Variants in UNC79 observed in about 807,000 individuals in gnomAD.
The protein encoded by UNC79 is unc-79 subunit of NALCN channel complex, also known as protein unc-79 homolog.
UNC79 carries 37 observed loss-of-function variants against 283.1 expected under a neutral mutation model. The observed-to-expected ratio is 0.13, with a 90% CI of 0.10 to 0.17. The LOEUF (loss-of-function observed/expected upper bound fraction) is 0.17. UNC79 is among the 10% of genes least tolerant of loss of function. UNC79 has a pLI of 1.00. For missense variants in UNC79, 2,272 were observed against 3,211.1 expected, an observed-to-expected ratio of 0.71 and a Z score of 7.07; for synonymous variants, 1,107 against 1,200.2, an observed-to-expected ratio of 0.92 and a Z score of 1.61.
intron 42 of UNC79, among the ~76,000 whole-genome samples, chr14:93,683,858 A>AC (rs1491580884): frequency 1.4e-5 from 2 of 143,488 alleles, no homozygotes; most frequent in Admixed American, 6.8e-5. Flanking sequence ...AAAAAAAAAA[A>AC]CACACACTTC....
At position 93,617,978 on chromosome 14, in the gene UNC79, C is replaced by A. The variant is rs572195435; in HGVS notation, c.4225-214C>A. Among the ~76,000 whole-genome samples, 1 of 152,242 alleles carries A rather than the reference C, an allele frequency of 6.6e-6. No individual in the cohort carries two copies. The highest frequency in any genetic ancestry group is 2.1e-4 in the South Asian group (1 of 4,814). ...AGCCCGGTAGGCTGCTATGATCACG[C>A]CACAGCACTCCAACCTGGGTGACAG... is the stretch of plus-strand genomic sequence containing the variant. On this transcript the variant is annotated intron_variant, in intron 28 of 48. Transcript: ENST00000555664. The surrounding 1 kb of genome is among the most constrained non-coding windows in gnomAD (Gnocchi z 4.5).
intron 1 of UNC79, among the ~76,000 whole-genome samples, chr14:93,448,659 C>G (rs192142263): frequency 7.6e-4 from 116 of 152,220 alleles, no homozygotes; most frequent in Admixed American, 2.4e-3. Flanking sequence ...GGTGTTGTTT[C>G]CTTTGCTTTA....
chr14:93,698,663 T>G (rs1444031843), intron 47 of UNC79, among the ~76,000 whole-genome samples: 1 of 151,906 alleles, frequency 6.6e-6, no homozygotes, highest in Non-Finnish European at 1.5e-5. Flanking sequence ...TTTTTGTATT[T>G]TTAGTAGAGA....
At chr14:93,444,874 A>G (rs542606843) in intron 1 of UNC79, among the ~76,000 whole-genome samples, 15 of 152,302 alleles carry the variant, frequency 9.8e-5, no homozygotes, top group African/African-American at 3.4e-4. Flanking sequence ...TTTTAAAATC[A>G]ACTTGTAATT....
At chr14:93,685,677 G>A (rs1245226431) in intron 42 of UNC79, among the ~76,000 whole-genome samples, 5 of 152,176 alleles carry the variant, frequency 3.3e-5, no homozygotes, top group Non-Finnish European at 5.9e-5. Flanking sequence ...GAAAGCCGAG[G>A]AAGGCCTTTA....
chr14:93,592,589 CA>C (rs1348292075), intron 22 of UNC79, among the ~76,000 whole-genome samples: 1 of 151,932 alleles, frequency 6.6e-6, no homozygotes, highest in Non-Finnish European at 1.5e-5. Context: ...GAAAACAATC[CA>C]TGTATAAGTG....
intron 1 of UNC79, among the ~76,000 whole-genome samples, chr14:93,361,237 GAAA>G (rs1566892217): frequency 1.8e-5 from 1 of 55,500 alleles, no homozygotes; most frequent in Non-Finnish European, 3.7e-5. Context: ...AAAAAAAAAA[GAAA>G]AGAAAAGAAA....
chr14:93,665,367 T>G (rs1416658658), intron 40 of UNC79, among the ~76,000 whole-genome samples: 2 of 151,214 alleles, frequency 1.3e-5, no homozygotes, highest in Admixed American at 1.3e-4. Flanking sequence ...AAATGGAAAA[T>G]AGATGAGAAG....
intron 1 of UNC79, among the ~76,000 whole-genome samples, chr14:93,377,701 G>A (rs1044821517): frequency 6.6e-6 from 1 of 152,142 alleles, no homozygotes; most frequent in Non-Finnish European, 1.5e-5. Context: ...TATTGGGTGG[G>A]ATAACAGCCA....
chr14:93,351,428 A>G (rs1357847065), intron 1 of UNC79, among the ~76,000 whole-genome samples: 1 of 152,174 alleles, frequency 6.6e-6, no homozygotes, highest in Non-Finnish European at 1.5e-5. Flanking sequence ...ATAAATAAAT[A>G]GAAGTTATTG....
exon 1 of UNC79, chr14:93,333,263 T>TCGGGCGTCGGGTCGCTGGGAGG (rs71129630): frequency 7.5e-6 from 3 of 402,030 alleles, no homozygotes; most frequent in African/African-American, 6.2e-5. Flanking sequence ...TCGCTGGGAG[T>TCGGGCGTCGGGTCGCTGGGAGG]TTGCCTCTTG....
At chr14:93,374,965 A>G (rs570782756) in intron 1 of UNC79, among the ~76,000 whole-genome samples, 1 of 152,338 alleles carries the variant, frequency 6.6e-6, no homozygotes, top group Non-Finnish European at 1.5e-5. Context: ...TGGAGAAGGA[A>G]TGAATGTATT....
At position 93,457,143 on chromosome 14, in the gene UNC79, A is replaced by T. The variant is rs141207211; in HGVS notation, c.23-10528A>T. On this transcript the variant is annotated intron_variant, in intron 1 of 48. Transcript: ENST00000555664. Reference sequence around the variant, plus strand: ...AAACTGCTCCATTGTACCAAGAGTCATGTGGCAATTTATTCATTCATTTCT... The same window carrying T: ...AAACTGCTCCATTGTACCAAGAGTCTTGTGGCAATTTATTCATTCATTTCT... 1.0e-3 allele frequency among the ~76,000 whole-genome samples: 158 copies of T among 152,370 alleles called. 2 individuals carry two copies. Among genetic ancestry groups the T allele is most frequent in the Middle Eastern group, 0.01 (3 of 294 alleles).
chr14:93,508,034 CTCTG>C (rs1242313740), intron 7 of UNC79, among the ~76,000 whole-genome samples: 2 of 151,954 alleles, frequency 1.3e-5, no homozygotes, highest in African/African-American at 4.8e-5. Context: ...TTATTTGTAT[CTCTG>C]TCTGTACACC....
rs111677309 is a variant in UNC79 at position 93,656,698 on chromosome 14, C to T, written c.6456+1291C>T. 8.9e-3 allele frequency among the ~76,000 whole-genome samples: 1,356 copies of T among 152,046 alleles called. 21 individuals carry two copies. Among genetic ancestry groups the T allele is most frequent in the African/African-American group, 0.031 (1,272 of 41,472 alleles). ...GAAAGTATTTTAAAAATTAGCCAGG[C>T]GTAATGGCATGTACCTTTTGTCCCA... is the stretch of plus-strand genomic sequence containing the variant. On this transcript the variant is annotated intron_variant, in intron 38 of 48. Transcript: ENST00000555664.
chr14:93,588,371 G>A (rs1017480222), intron 22 of UNC79, among the ~76,000 whole-genome samples: 1 of 152,084 alleles, frequency 6.6e-6, no homozygotes, highest in Admixed American at 6.5e-5. Context: ...TTTCTGAAAG[G>A]TTTGTTAGAA....
At chr14:93,515,873 T>C (rs1405166882) in intron 7 of UNC79, among the ~76,000 whole-genome samples, 1 of 150,166 alleles carries the variant, frequency 6.7e-6, no homozygotes, top group Admixed American at 6.7e-5. Context: ...TTTGATAAAT[T>C]AATTGAAATT....
At chr14:93,648,749 T>C (rs2069909374) in intron 35 of UNC79, among the ~76,000 whole-genome samples, 1 of 152,112 alleles carries the variant, frequency 6.6e-6, no homozygotes, top group African/African-American at 2.4e-5. Context: ...GAGTTTAACC[T>C]GATTATGCAC....
intron 26 of UNC79, among the ~76,000 whole-genome samples, chr14:93,603,706 C>T (rs2139608494): frequency 6.6e-6 from 1 of 152,284 alleles, no homozygotes; most frequent in Non-Finnish European, 1.5e-5. Context: ...GAAACATTTG[C>T]TCCTAAGTCC....
Sources: gnomAD v4.1 joint callset for allele counts (sites outside exome capture counted in the v4.1 genomes callset) on GRCh38, gnomAD v4.1.1 for gene constraint, Gnocchi (gnomAD v3.1) non-coding constraint, MANE v1.5 for transcripts, NCBI Gene and HGNC (gene_info 2026-07-23, HGNC 2026-07-21) for gene names.